Variants in CCSER1 observed in about 807,000 individuals in gnomAD.
The protein encoded by CCSER1 is serine-rich coiled-coil domain-containing protein 1.
A neutral mutation model predicts 82.0 loss-of-function variants in CCSER1; 41 were observed. That is an observed-to-expected ratio of 0.50 (90% CI 0.39 to 0.65). CCSER1 has a LOEUF of 0.65. Among genes scored for constraint, CCSER1 ranks in the 30% least tolerant of loss-of-function variants. The pLI is 0.00. For synonymous variants in CCSER1, 414 were observed against 383.9 expected, an observed-to-expected ratio of 1.08 and a Z score of -0.92; for missense variants, 1,119 against 1,064.2, an observed-to-expected ratio of 1.05 and a Z score of -0.72.
intron 9 of CCSER1, among the ~76,000 whole-genome samples, chr4:91,025,923 C>G (rs1303754444): frequency 8.2e-6 from 1 of 122,092 alleles, no homozygotes; most frequent in Non-Finnish European, 1.6e-5. Context: ...CCTAAACTCA[C>G]TGAGGATTGG....
chr4:90,243,989 A>G (rs1029367994), intron 1 of CCSER1, among the ~76,000 whole-genome samples: 1 of 152,182 alleles, frequency 6.6e-6, no homozygotes, highest in Non-Finnish European at 1.5e-5. Flanking sequence ...TAGAATAGAA[A>G]TGAAAATAAT....
At chr4:91,560,886 T>A (rs1762623595) in intron 10 of CCSER1, among the ~76,000 whole-genome samples, 1 of 151,122 alleles carries the variant, frequency 6.6e-6, no homozygotes, top group Non-Finnish European at 1.5e-5. Flanking sequence ...ACATCAAGAG[T>A]GTTCTATCCA....
At chr4:90,554,919 T>A (rs773536624) in intron 5 of CCSER1, among the ~76,000 whole-genome samples, 1 of 152,196 alleles carries the variant, frequency 6.6e-6, no homozygotes, top group Non-Finnish European at 1.5e-5. Flanking sequence ...CAACTCTTAA[T>A]GAAATATTTT....
chr4:90,424,863 A>G (rs1236377184), intron 4 of CCSER1, among the ~76,000 whole-genome samples: 1 of 152,184 alleles, frequency 6.6e-6, no homozygotes, highest in Admixed American at 6.5e-5. Context: ...TTTGCTTCAT[A>G]TTTATTTCCT....
At chr4:90,605,391 C>T (rs2870253) in intron 5 of CCSER1, among the ~76,000 whole-genome samples, 18,611 of 151,950 alleles carry the variant, frequency 0.12, 1,575 homozygotes, top group African/African-American at 0.23. Flanking sequence ...AAATATGGGC[C>T]GATAAAGTTG....
At chr4:91,176,870 G>T (rs1173431511) in intron 10 of CCSER1, among the ~76,000 whole-genome samples, 2 of 152,168 alleles carry the variant, frequency 1.3e-5, no homozygotes, top group Non-Finnish European at 2.9e-5. Flanking sequence ...AATAGAAGTG[G>T]TGAGAGAGGG....
chr4:91,487,998 C>T (rs1168668311), intron 10 of CCSER1, among the ~76,000 whole-genome samples: 4 of 151,636 alleles, frequency 2.6e-5, no homozygotes, highest in African/African-American at 4.8e-5. Context: ...AAATTAAATA[C>T]GATCATTTGA....
chr4:91,438,154 A>G (rs1248293040), intron 10 of CCSER1, among the ~76,000 whole-genome samples: 6 of 152,196 alleles, frequency 3.9e-5, no homozygotes, highest in African/African-American at 4.8e-5. Context: ...ACAGCCGGAG[A>G]TCTGAGAATG....
intron 1 of CCSER1, among the ~76,000 whole-genome samples, chr4:90,281,963 G>A (rs1026578993): frequency 4.6e-5 from 7 of 151,992 alleles, no homozygotes; most frequent in Non-Finnish European, 7.4e-5. Flanking sequence ...ATTGTGATGG[G>A]ATAAAAACAC....
At chr4:91,311,133 G>A (rs1472811813) in intron 10 of CCSER1, among the ~76,000 whole-genome samples, 2 of 151,900 alleles carry the variant, frequency 1.3e-5, no homozygotes, top group East Asian at 3.9e-4. Context: ...GAAGAAGATA[G>A]GGTTCATCTG....
chr4:90,966,496 CTG>C (rs1475667754), intron 9 of CCSER1, among the ~76,000 whole-genome samples: 1 of 152,042 alleles, frequency 6.6e-6, no homozygotes. Flanking sequence ...TCCAACCAAA[CTG>C]TCTTTCAAAA....
intron 3 of CCSER1, among the ~76,000 whole-genome samples, chr4:90,343,959 C>A (rs1367160516): frequency 6.6e-6 from 1 of 152,062 alleles, no homozygotes; most frequent in Non-Finnish European, 1.5e-5. Context: ...CTCTGTTGCG[C>A]TATCAAATAC....
In CCSER1 at chr4:91,600,659, C is replaced by A. The variant is rs192365520; in HGVS notation, c.*1602C>A. The A allele has an allele frequency of 6.6e-6, 1 of 152,210 alleles. No individual in the cohort carries two copies. The highest frequency in any genetic ancestry group is 1.9e-4 in the East Asian group (1 of 5,174). The allele number at this position is 152,210 out of a possible 1,614,324, so 9.4% of individuals were successfully genotyped here. On this transcript the variant is annotated 3_prime_UTR_variant, in exon 11 of 11. Coordinates refer to ENST00000509176, the MANE Select transcript of CCSER1 (RefSeq NM_001145065.2). ...GGGAAAAGCCATTAGACACTCCACC[C>A]CTGAGCTTTAACTACTGAACTTTGA...
chr4:91,174,054 A>G (rs1733047880), intron 10 of CCSER1, among the ~76,000 whole-genome samples: 1 of 152,200 alleles, frequency 6.6e-6, no homozygotes, highest in East Asian at 1.9e-4. Context: ...ACCTTTAATG[A>G]CAAATATATT....
intron 5 of CCSER1, among the ~76,000 whole-genome samples, chr4:90,518,721 A>G (rs1772635782): frequency 6.6e-6 from 1 of 152,118 alleles, no homozygotes; most frequent in East Asian, 1.9e-4. Context: ...ATTTCTAGAC[A>G]TTATAATTTG....
intron 6 of CCSER1, among the ~76,000 whole-genome samples, chr4:90,631,735 C>T (rs1488899050): frequency 6.6e-6 from 1 of 152,102 alleles, no homozygotes; most frequent in Non-Finnish European, 1.5e-5. Flanking sequence ...ATCTGAAAAT[C>T]CAAAATCCAA....
chr4:90,927,603 G>A (rs1729225929), intron 9 of CCSER1, among the ~76,000 whole-genome samples: 1 of 151,776 alleles, frequency 6.6e-6, no homozygotes, highest in Admixed American at 6.6e-5. Context: ...TCCAAATGGT[G>A]GGATTTGCTT....
At chr4:90,699,775 G>A (rs1409527726) in intron 6 of CCSER1, among the ~76,000 whole-genome samples, 1 of 152,074 alleles carries the variant, frequency 6.6e-6, no homozygotes, top group Non-Finnish European at 1.5e-5. Context: ...TCATCAATGT[G>A]ATGATGGTAG....
intron 1 of CCSER1, among the ~76,000 whole-genome samples, chr4:90,157,445 C>G (rs926334812): frequency 5.7e-4 from 45 of 78,912 alleles, no homozygotes; most frequent in Non-Finnish European, 3.3e-4. Context: ...GGGAAGTTCT[C>G]CTGGATAATA....
Sources: allele counts gnomAD v4.1 joint callset (sites outside exome capture counted in the v4.1 genomes callset), GRCh38; gene constraint gnomAD v4.1.1; transcripts MANE v1.5; gene names NCBI Gene and HGNC (gene_info 2026-07-23, HGNC 2026-07-21).